Variants in SLC6A5 observed in about 807,000 individuals in gnomAD.
SLC6A5 encodes solute carrier family 6 member 5.
A neutral mutation model predicts 90.5 loss-of-function variants in SLC6A5; 58 were observed. The observed-to-expected ratio is 0.64, with a 90% CI of 0.52 to 0.80. SLC6A5 has a LOEUF of 0.80. SLC6A5 is among the 30% of genes least tolerant of loss of function. The pLI is 0.00. For synonymous variants in SLC6A5, 427 were observed against 401.4 expected (o/e 1.06, Z -0.76); for missense variants, 1,015 against 1,017.6 (o/e 1.00, Z 0.03).
intron 5 of SLC6A5, among the ~76,000 whole-genome samples, chr11:20,611,096 TTTTG>T (rs1200734884): frequency 2.6e-5 from 4 of 152,230 alleles, no homozygotes; most frequent in Admixed American, 6.5e-5. Flanking sequence ...ATCATAAGGC[TTTTG>T]TTTAAGAATT....
intron 10 of SLC6A5, among the ~76,000 whole-genome samples, chr11:20,632,929 T>C (rs1853135037): frequency 6.6e-6 from 1 of 152,204 alleles, no homozygotes; most frequent in Admixed American, 6.5e-5. Context: ...AAAAGAGGCA[T>C]TTCTACCAAA....
chr11:20,636,016 G>A (rs181628966), intron 10 of SLC6A5, among the ~76,000 whole-genome samples: 2 of 152,266 alleles, frequency 1.3e-5, no homozygotes, highest in East Asian at 3.9e-4. Flanking sequence ...ATGGTACACA[G>A]CCTAGCCGTG....
intron 2 of SLC6A5, among the ~76,000 whole-genome samples, chr11:20,602,009 C>G (rs1852490216): frequency 6.6e-6 from 1 of 152,230 alleles, no homozygotes; most frequent in African/African-American, 2.4e-5. Context: ...ACTGTCTTTT[C>G]TTTTCAAAAA....
At chr11:20,612,666 C>T (rs913165528) in intron 5 of SLC6A5, among the ~76,000 whole-genome samples, 3 of 152,158 alleles carry the variant, frequency 2.0e-5, no homozygotes, top group African/African-American at 7.2e-5. Flanking sequence ...TATAGATGTG[C>T]AGTACTGCAC....
In SLC6A5 at chr11:20,655,442, G is replaced by A. The variant is rs1853625381; in HGVS notation, c.*574G>A. 1 of 161,578 alleles carries A rather than the reference G, an allele frequency of 6.2e-6. No individual in the cohort carries two copies. Among genetic ancestry groups the A allele is most frequent in the Non-Finnish European group, 1.4e-5 (1 of 72,714 alleles). The allele number at this position is 161,578 out of a possible 1,614,324, so 10.0% of individuals were successfully genotyped here. On this transcript the variant is annotated 3_prime_UTR_variant, in exon 16 of 16. Transcript: ENST00000525748. ...AGTTTATATTTCCAGTCACCACTGG[G>A]GATCTGTTTCCTTCGTTTGGATCAG...
Position 20,607,057 on chromosome 11 carries a change from A to G in SLC6A5, c.730A>G (p.Ile244Val), listed in dbSNP as rs200933754. 4.6e-5 allele frequency: 75 copies of G among 1,613,420 alleles called. No individual in the cohort carries two copies. Among genetic ancestry groups the G allele is most frequent in the Middle Eastern group, 3.3e-4 (2 of 6,060 alleles). ...LMMLALAGLP[I>V]FFLEVSLGQF... Reference sequence around the variant, plus strand: ...GATGCTGGCTCTGGCTGGATTACCCATCTTCTTCTTGGAGGTGTCGCTGGG... The same window carrying G: ...GATGCTGGCTCTGGCTGGATTACCCGTCTTCTTCTTGGAGGTGTCGCTGGG... The change falls in exon 4 of 16, where the codon ATC (isoleucine) becomes GTC (valine). Residue 244 changes from isoleucine to valine, a missense_variant. Ile to Val is a conservative substitution (Grantham distance 29, BLOSUM62 3). Around this residue, in one of 3 missense-constraint regions of SLC6A5, gnomAD observed 567 missense variants for 507.3 expected, o/e 1.12. Transcript: ENST00000525748.
intron 2 of SLC6A5, among the ~76,000 whole-genome samples, chr11:20,603,094 TC>T (rs1852510124): frequency 6.6e-6 from 1 of 152,176 alleles, no homozygotes; most frequent in Non-Finnish European, 1.5e-5. Context: ...ATTGTGCCTT[TC>T]TGACACTCAC....
At chr11:20,608,906 C>G (rs373705544) in intron 5 of SLC6A5, among the ~76,000 whole-genome samples, 4,429 of 109,836 alleles carry the variant, frequency 0.04, 228 homozygotes, top group African/African-American at 0.13. Flanking sequence ...TAGTCTCTCT[C>G]TCTGTCTGTC....
At chr11:20,610,941 TA>T (rs749194409) in intron 5 of SLC6A5, among the ~76,000 whole-genome samples, 2 of 152,186 alleles carry the variant, frequency 1.3e-5, no homozygotes, top group Non-Finnish European at 2.9e-5. Context: ...CTTGCAGGGT[TA>T]ACAAGAATTC....
intron 13 of SLC6A5, among the ~76,000 whole-genome samples, chr11:20,643,843 A>G (rs1358128158): frequency 6.6e-6 from 1 of 152,150 alleles, no homozygotes; most frequent in Non-Finnish European, 1.5e-5. Flanking sequence ...GGCTGCTGTC[A>G]GGGGTCTGGA....
At chr11:20,646,693 A>G in intron 13 of SLC6A5, 141 bp from the exon 14 acceptor site, 1 of 699,598 alleles carries the variant, frequency 1.4e-6, no homozygotes, top group Admixed American at 2.1e-5. Flanking sequence ...GGTTCCCTGC[A>G]TAATAGAGGT....
intron 1 of SLC6A5, 54 bp downstream of exon 1, chr11:20,599,729 A>G: frequency 6.2e-7 from 1 of 1,610,462 alleles, no homozygotes; most frequent in Non-Finnish European, 8.5e-7. Flanking sequence ...GGGACAGGGA[A>G]AGCAGATTCG....
intron 3 of SLC6A5, among the ~76,000 whole-genome samples, chr11:20,605,936 G>A (rs187650443): frequency 3.3e-5 from 5 of 152,344 alleles, no homozygotes; most frequent in African/African-American, 9.6e-5. Context: ...CTGGCTTGGA[G>A]AGCCCCGGGC....
chr11:20,653,256 C>A (rs1853575888), intron 15 of SLC6A5, among the ~76,000 whole-genome samples: 1 of 152,172 alleles, frequency 6.6e-6, no homozygotes, highest in Non-Finnish European at 1.5e-5. Flanking sequence ...CTCCTGAGAC[C>A]AGCAGCATCC....
At chr11:20,615,377 T>C (rs573924146) in intron 6 of SLC6A5, among the ~76,000 whole-genome samples, 38 of 152,284 alleles carry the variant, frequency 2.5e-4, no homozygotes, top group African/African-American at 7.2e-4. Context: ...TCTTTCCTTT[T>C]TTTTCTTTTG....
rs376060015 is a variant in SLC6A5 at position 20,652,432 on chromosome 11, T to A, written c.2214T>A (p.His738Gln). The change falls in exon 15 of 16, where the codon CAT (histidine) becomes CAA (glutamine). Residue 738 changes from histidine (H) to glutamine (Q), a missense_variant. By Grantham distance (24) the His-to-Gln change is conservative. Coordinates refer to ENST00000525748, the MANE Select transcript of SLC6A5 (RefSeq NM_004211.5). ...WIPIMFVIKM[H>Q]LAPGRFIERL... ...CAATTATGTTTGTGATAAAAATGCA[T>A]CTGGCCCCTGGAAGATTTATTGAGG... 7.4e-6 allele frequency: 12 copies of A among 1,614,022 alleles called. No individual in the cohort carries two copies. The African/African-American group carries it at 1.5e-4, about 20-fold the overall frequency.
intron 3 of SLC6A5, among the ~76,000 whole-genome samples, chr11:20,606,013 G>C (rs985384448): frequency 1.3e-5 from 2 of 152,242 alleles, no homozygotes; most frequent in Non-Finnish European, 2.9e-5. Context: ...ACTGGAGAAA[G>C]ATCAGTTTTC....
chr11:20,647,734 C>T (rs1394083964), intron 14 of SLC6A5, among the ~76,000 whole-genome samples: 1 of 152,074 alleles, frequency 6.6e-6, no homozygotes, highest in Non-Finnish European at 1.5e-5. Flanking sequence ...ATGTGACTTG[C>T]CTTGCCTTGT....
intron 14 of SLC6A5, among the ~76,000 whole-genome samples, chr11:20,647,671 T>G (rs115675938): frequency 0.021 from 3,249 of 152,132 alleles, 95 homozygotes; most frequent in African/African-American, 0.074. Flanking sequence ...TCCTCAAGGT[T>G]GGCATTATAA....
Sources: allele counts gnomAD v4.1 joint callset (sites outside exome capture counted in the v4.1 genomes callset), GRCh38; gene constraint gnomAD v4.1.1; regional missense constraint gnomAD v4.1.1; transcripts MANE v1.5; gene names NCBI Gene and HGNC (gene_info 2026-07-23, HGNC 2026-07-21).